CDH13: variants seen among roughly 807,000 people sequenced by gnomAD.
CDH13 encodes the protein cadherin-13.
A neutral mutation model predicts 63.8 loss-of-function variants in CDH13; 24 were observed. That is an observed-to-expected ratio of 0.38 (90% CI 0.27 to 0.53). The LOEUF (loss-of-function observed/expected upper bound fraction) is 0.53, where lower values mean the gene tolerates loss of function less well. Among genes scored for constraint, CDH13 ranks in the 20% least tolerant of loss-of-function variants. The probability of loss-of-function intolerance (pLI) is 0.85; values close to 1 mark genes in which losing one functional copy is unlikely to be tolerated. For missense variants in CDH13, 1,049 were observed against 903.1 expected, an observed-to-expected ratio of 1.16 and a Z score of -2.07; for synonymous variants, 503 against 355.3, an observed-to-expected ratio of 1.42 and a Z score of -4.67.
intron 12 of CDH13, 23 bp from the exon 13 acceptor site, chr16:83,783,231 C>T (rs759329631): frequency 1.3e-6 from 2 of 1,567,002 alleles, no homozygotes; most frequent in Non-Finnish European, 1.8e-6. Context: ...CCACTCTCAC[C>T]AGAACCCTCC....
At chr16:82,934,960 C>G (rs557396807) in intron 2 of CDH13, among the ~76,000 whole-genome samples, 1 of 152,236 alleles carries the variant, frequency 6.6e-6, no homozygotes, top group Non-Finnish European at 1.5e-5. Flanking sequence ...GTTCCAACCT[C>G]TGCCTGTTAC....
intron 4 of CDH13, among the ~76,000 whole-genome samples, chr16:83,196,181 G>C (rs555624989): frequency 1.3e-5 from 2 of 152,220 alleles, no homozygotes; most frequent in East Asian, 1.9e-4. Flanking sequence ...ACTTGAACCC[G>C]GGAGGCGGAG....
intron 1 of CDH13, among the ~76,000 whole-genome samples, chr16:82,702,568 G>A (rs2031130663): frequency 6.6e-6 from 1 of 152,028 alleles, no homozygotes; most frequent in Non-Finnish European, 1.5e-5. Context: ...AACAATTTTG[G>A]AATGTTTTAT....
chr16:83,058,291 T>A (rs2031162242), intron 3 of CDH13, among the ~76,000 whole-genome samples: 1 of 152,164 alleles, frequency 6.6e-6, no homozygotes, highest in Admixed American at 6.5e-5. Context: ...GCTGCACTCA[T>A]CAAATAAAGA....
intron 6 of CDH13, among the ~76,000 whole-genome samples, chr16:83,383,588 A>G (rs796309388): frequency 9.2e-5 from 14 of 152,018 alleles, no homozygotes; most frequent in African/African-American, 3.1e-4. Context: ...TCATTCATTT[A>G]TTTTTTATAT....
intron 5 of CDH13, among the ~76,000 whole-genome samples, chr16:83,225,645 G>T (rs1404767304): frequency 6.6e-6 from 1 of 152,152 alleles, no homozygotes; most frequent in Admixed American, 6.6e-5. Flanking sequence ...AGCATTTGTG[G>T]TTCTTGAACT....
intron 7 of CDH13, among the ~76,000 whole-genome samples, chr16:83,511,031 C>T (rs996503271): frequency 1.6e-4 from 25 of 151,990 alleles, no homozygotes; most frequent in South Asian, 2.1e-4. Context: ...TACACGGACA[C>T]GCACGCATGC....
In CDH13 at chr16:83,626,362, G is replaced by A. The variant is rs117972664; in HGVS notation, c.1101+23768G>A. 5.5e-4 allele frequency among the ~76,000 whole-genome samples: 83 copies of A among 152,274 alleles called. 1 individual carries two copies. The East Asian group carries it at 9.3e-3, about 17-fold the overall frequency. The stretch of plus-strand genomic sequence containing the variant: ...ACCTTCTGTGAATAACATGATTGGC[G>A]TTGTCACCGGGATAACTGCAGGAGA... On this transcript the variant is annotated intron_variant, in intron 8 of 13. Transcript: ENST00000567109.
intron 1 of CDH13, among the ~76,000 whole-genome samples, chr16:82,729,170 C>T (rs2033264350): frequency 6.6e-6 from 1 of 152,186 alleles, no homozygotes. Context: ...CTTCCAAACT[C>T]CTTTTAATGT....
chr16:83,181,941 C>T (rs1177033204), intron 4 of CDH13, among the ~76,000 whole-genome samples: 2 of 152,176 alleles, frequency 1.3e-5, no homozygotes, highest in Admixed American at 1.3e-4. Flanking sequence ...GAGACCCTGA[C>T]TTAGAGCCCA....
chr16:83,340,313 T>TGTGTGA (rs2090693592), intron 5 of CDH13, among the ~76,000 whole-genome samples: 1 of 151,730 alleles, frequency 6.6e-6, no homozygotes, highest in African/African-American at 2.4e-5. Flanking sequence ...TGAGTGTGTG[T>TGTGTGA]GTGTGTGTGT....
At chr16:82,919,048 C>T (rs1321779704) in intron 2 of CDH13, among the ~76,000 whole-genome samples, 2 of 151,938 alleles carry the variant, frequency 1.3e-5, no homozygotes, top group Admixed American at 1.3e-4. Flanking sequence ...AGTAATGTTC[C>T]TTAGTACATT....
chr16:82,652,182 C>A (rs1188713297), intron 1 of CDH13, among the ~76,000 whole-genome samples: 1 of 152,192 alleles, frequency 6.6e-6, no homozygotes, highest in Non-Finnish European at 1.5e-5. Flanking sequence ...AGTTGGATCT[C>A]CATTTCCCTG....
At chr16:83,531,718 A>G (rs2075088177) in intron 7 of CDH13, among the ~76,000 whole-genome samples, 2 of 152,182 alleles carry the variant, frequency 1.3e-5, no homozygotes, top group Non-Finnish European at 2.9e-5. Context: ...CAGTCTCTAG[A>G]AGCAAAAAAG....
Position 83,615,548 on chromosome 16 carries a change from A to G in CDH13, c.1101+12954A>G, listed in dbSNP as rs1909214252. The stretch of plus-strand genomic sequence containing the variant: ...CTGATACTGTAAAATCACATATCTG[A>G]CAGTTTTCAGTGTGGCTGAGGTTTT... On this transcript the variant is annotated intron_variant, in intron 8 of 13. Transcript: ENST00000567109. Among the ~76,000 whole-genome samples the G allele has an allele frequency of 2.0e-5, 3 of 152,232 alleles. No individual in the cohort carries two copies. In the South Asian group the frequency reaches 6.2e-4, roughly 32 times the overall value.
intron 1 of CDH13, among the ~76,000 whole-genome samples, chr16:82,761,907 G>A (rs1388301137): frequency 1.3e-5 from 2 of 152,144 alleles, no homozygotes; most frequent in Non-Finnish European, 2.9e-5. Context: ...AATAACTTTA[G>A]ATAATAAGAA....
Position 83,395,090 on chromosome 16 carries a change from G to T in CDH13, c.781+50084G>T, listed in dbSNP as rs553292583. ...CTGAACCCAGGAGGCAGAGGTTGCA[G>T]TGAGCCAAGATCGTGCCATTGCACT... On this transcript the variant is annotated intron_variant, in intron 6 of 13. Coordinates refer to ENST00000567109, the MANE Select transcript of CDH13 (RefSeq NM_001257.5). Among the ~76,000 whole-genome samples the T allele has an allele frequency of 6.7e-5, 10 of 150,326 alleles. No individual in the cohort carries two copies. In the East Asian group the frequency reaches 1.4e-3, roughly 21 times the overall value.
chr16:82,828,597 G>A (rs2038373294), intron 1 of CDH13, among the ~76,000 whole-genome samples: 1 of 151,948 alleles, frequency 6.6e-6, no homozygotes, highest in African/African-American at 2.4e-5. Flanking sequence ...ACTCCAGCCT[G>A]GGCAACAGAA....
chr16:82,765,146 T>C (rs1445575189), intron 1 of CDH13, among the ~76,000 whole-genome samples: 3 of 152,194 alleles, frequency 2.0e-5, no homozygotes, highest in African/African-American at 7.2e-5. Flanking sequence ...CCATGTAGTT[T>C]ATGGATGTGT....
Sources: allele counts gnomAD v4.1 joint callset (sites outside exome capture counted in the v4.1 genomes callset), GRCh38; gene constraint gnomAD v4.1.1; transcripts MANE v1.5; gene names NCBI Gene and HGNC (gene_info 2026-07-23, HGNC 2026-07-21).